CACNA1E: variants seen among roughly 807,000 people sequenced by gnomAD.
CACNA1E encodes the protein voltage-dependent R-type calcium channel subunit alpha-1E.
CACNA1E carries 40 observed loss-of-function variants against 259.2 expected under a neutral mutation model. The ratio of observed to expected loss-of-function variants is 0.15; its 90% CI spans 0.12 to 0.20. The LOEUF is 0.20. Among genes scored for constraint, CACNA1E ranks in the 10% least tolerant of loss-of-function variants. CACNA1E has a pLI of 1.00. For synonymous variants in CACNA1E, 1,104 were observed against 1,138.5 expected (o/e 0.97, Z 0.61); for missense variants, 1,874 against 3,040.1 (o/e 0.62, Z 9.02).
chr1:181,749,847 G>A (rs756420738), intron 25 of CACNA1E, among the ~76,000 whole-genome samples: 10 of 152,298 alleles, frequency 6.6e-5, no homozygotes, highest in Non-Finnish European at 1.5e-4. Context: ...GCAAACTTTG[G>A]TGTGACATCA....
At chr1:181,367,346 G>A (rs76676771) in intron 1 of CACNA1E, among the ~76,000 whole-genome samples, 3,546 of 151,706 alleles carry the variant, frequency 0.023, 52 homozygotes, top group Middle Eastern at 0.044. Context: ...TTCCTGTTTG[G>A]GTTCCAGGAA....
intron 1 of CACNA1E, among the ~76,000 whole-genome samples, chr1:181,357,127 C>A (rs900401407): frequency 1.3e-5 from 2 of 152,178 alleles, no homozygotes; most frequent in Non-Finnish European, 2.9e-5. Context: ...TCCTCCCCCA[C>A]CCACTGCTGG....
chr1:181,797,352 T>A (rs1048211060), intron 47 of CACNA1E, among the ~76,000 whole-genome samples: 1 of 152,158 alleles, frequency 6.6e-6, no homozygotes, highest in African/African-American at 2.4e-5. Flanking sequence ...AACTATCAGA[T>A]CTGTATGAAA....
chr1:181,553,717 T>C (rs549152497), intron 3 of CACNA1E, among the ~76,000 whole-genome samples: 1 of 152,350 alleles, frequency 6.6e-6, no homozygotes, highest in Admixed American at 6.5e-5. Context: ...CATGAAGGGA[T>C]GTAGAATTTA....
At chr1:181,603,768 A>G (rs1208024688) in intron 6 of CACNA1E, among the ~76,000 whole-genome samples, 1 of 152,182 alleles carries the variant, frequency 6.6e-6, no homozygotes, top group Non-Finnish European at 1.5e-5. Context: ...GCCTAGGACT[A>G]ATCTATAGTT....
chr1:181,508,812 G>A (rs1377351845), intron 1 of CACNA1E, among the ~76,000 whole-genome samples: 2 of 152,184 alleles, frequency 1.3e-5, no homozygotes, highest in East Asian at 1.9e-4. Flanking sequence ...ATGCCCATGG[G>A]TGCTGAGGGA....
chr1:181,555,027 A>C (rs1007251248), intron 3 of CACNA1E, among the ~76,000 whole-genome samples: 8 of 152,166 alleles, frequency 5.3e-5, no homozygotes, highest in African/African-American at 1.7e-4. Context: ...AGATGCTGAG[A>C]TGCTCATACA....
chr1:181,659,492 GGGGCTACA>G (rs1186971704), intron 7 of CACNA1E, among the ~76,000 whole-genome samples: 1 of 152,220 alleles, frequency 6.6e-6, no homozygotes, highest in African/African-American at 2.4e-5. Flanking sequence ...AATGCCATCA[GGGGCTACA>G]GGGCAGCGGC....
intron 1 of CACNA1E, among the ~76,000 whole-genome samples, chr1:181,505,920 C>T (rs1665672752): frequency 6.6e-6 from 1 of 152,170 alleles, no homozygotes; most frequent in African/African-American, 2.4e-5. Flanking sequence ...GTGCCAAGTA[C>T]AGTGGTGAGT....
intron 1 of CACNA1E, among the ~76,000 whole-genome samples, chr1:181,394,050 G>A (rs1478142260): frequency 2.0e-5 from 3 of 152,298 alleles, no homozygotes; most frequent in East Asian, 3.9e-4. Context: ...CTGCAAGAGT[G>A]TGATGTGGTG....
intron 37 of CACNA1E, among the ~76,000 whole-genome samples, chr1:181,772,801 A>G (rs1659635899): frequency 6.6e-6 from 1 of 152,216 alleles, no homozygotes; most frequent in Non-Finnish European, 1.5e-5. Flanking sequence ...ATGAGAAAGA[A>G]TGAGATTGCT....
chr1:181,475,296 A>G (rs1662769082), intron 2 of CACNA1E, among the ~76,000 whole-genome samples: 3 of 152,276 alleles, frequency 2.0e-5, no homozygotes, highest in African/African-American at 7.2e-5. Flanking sequence ...CAAGGCATAC[A>G]TAATTGAAAA....
chr1:181,318,716 A>G (rs916905707), intron 1 of CACNA1E, among the ~76,000 whole-genome samples: 3 of 152,192 alleles, frequency 2.0e-5, no homozygotes, highest in African/African-American at 4.8e-5. Flanking sequence ...AGGAAACTGC[A>G]TGTGCCTTTG....
At chr1:181,726,202 T>A (rs1250309705) in intron 18 of CACNA1E, 40 bp downstream of exon 18, 1 of 1,395,838 alleles carries the variant, frequency 7.2e-7, no homozygotes, top group Non-Finnish European at 1.0e-6. Flanking sequence ...TGAGCTCCTG[T>A]GCTAACAGCC....
intron 7 of CACNA1E, among the ~76,000 whole-genome samples, chr1:181,654,648 C>T (rs1659039958): frequency 6.6e-6 from 1 of 152,140 alleles, no homozygotes; most frequent in Admixed American, 6.5e-5. Flanking sequence ...ACTGTGGCAT[C>T]CTATGTAGCA....
chr1:181,790,337 T>C, intron 43 of CACNA1E, 108 bp from the exon 44 acceptor site: 1 of 566,420 alleles, frequency 1.8e-6, no homozygotes, highest in East Asian at 3.1e-5. Context: ...TGTAAGTTAC[T>C]AGGTTTACAA....
At chr1:181,403,882 A>T (rs1657277920) in intron 1 of CACNA1E, among the ~76,000 whole-genome samples, 1 of 152,072 alleles carries the variant, frequency 6.6e-6, no homozygotes. Flanking sequence ...GCTCTCCTCC[A>T]TGTGGCAGGC....
intron 6 of CACNA1E, among the ~76,000 whole-genome samples, chr1:181,642,601 A>G (rs1657895941): frequency 6.6e-6 from 1 of 152,198 alleles, no homozygotes; most frequent in Non-Finnish European, 1.5e-5. Context: ...CTCTTTAAAG[A>G]ATACAAATCT....
At position 181,798,768 on chromosome 1, in the gene CACNA1E, G is replaced by T. The variant is rs754344861; in HGVS notation, c.6876G>T (p.Gly2292=). The part of the protein sequence containing the change: ...HYRRRRRGGP[G]PGMMCGAVNN... ...GGCGGCGGAGGCGCGGGGGGCCTGGGCCAGGCATGATGTGTGGGGCTGTCA... is the reference window on the plus strand; with the variant it reads ...GGCGGCGGAGGCGCGGGGGGCCTGGTCCAGGCATGATGTGTGGGGCTGTCA... Residue 2292 remains glycine (G), a synonymous_variant, in exon 48 of 48, where the codon GGG becomes GGT. Coordinates refer to ENST00000367573, the MANE Select transcript of CACNA1E (RefSeq NM_001205293.3). This position sits in a 1 kb window ranked among gnomAD's most constrained non-coding sequence, Gnocchi z 4.2. 7 of 1,593,926 alleles carry T rather than the reference G, an allele frequency of 4.4e-6. No homozygotes were observed. In the South Asian group the frequency reaches 4.5e-5, roughly 10 times the overall value.
Sources: gnomAD v4.1 joint callset for allele counts (sites outside exome capture counted in the v4.1 genomes callset) on GRCh38, gnomAD v4.1.1 for gene constraint, Gnocchi (gnomAD v3.1) non-coding constraint, MANE v1.5 for transcripts, NCBI Gene and HGNC (gene_info 2026-07-23, HGNC 2026-07-21) for gene names.